CERS3: variants seen among roughly 807,000 people sequenced by gnomAD.
The protein encoded by CERS3 is LAG1 homolog, ceramide synthase 3.
In CERS3, 33 loss-of-function variants were observed where a neutral mutation model predicts 50.3. The observed-to-expected ratio is 0.66, with a 90% CI of 0.50 to 0.88. CERS3 has a LOEUF of 0.88. CERS3 is among the 40% of genes least tolerant of loss of function. The pLI is 0.00. For synonymous variants in CERS3, 176 were observed against 155.2 expected (o/e 1.13, Z -0.99); for missense variants, 470 against 460.3 (o/e 1.02, Z -0.19).
intron 11 of CERS3, among the ~76,000 whole-genome samples, chr15:100,443,064 T>C (rs913346346): frequency 9.2e-5 from 14 of 151,986 alleles, no homozygotes; most frequent in Non-Finnish European, 1.8e-4. Context: ...CGAGACACTT[T>C]AACTAAATTA....
At chr15:100,526,066 T>C (rs767505104) in intron 1 of CERS3, among the ~76,000 whole-genome samples, 2 of 152,252 alleles carry the variant, frequency 1.3e-5, no homozygotes, top group African/African-American at 2.4e-5. Flanking sequence ...TCCCCTCTGC[T>C]ATCTCTCTGC....
chr15:100,427,071 G>A (rs1380257072), intron 11 of CERS3, among the ~76,000 whole-genome samples: 5 of 152,276 alleles, frequency 3.3e-5, no homozygotes, highest in East Asian at 1.9e-4. Flanking sequence ...GCCCACACCC[G>A]TGACCTCAGG....
intron 11 of CERS3, among the ~76,000 whole-genome samples, chr15:100,446,123 G>A (rs55886839): frequency 0.17 from 26,564 of 151,812 alleles, 2,590 homozygotes; most frequent in Admixed American, 0.26. Flanking sequence ...GACTCAGCCC[G>A]CCTGCACCCA....
intron 10 of CERS3, among the ~76,000 whole-genome samples, chr15:100,464,929 G>A (rs2008712): frequency 0.96 from 145,590 of 152,232 alleles, 69,713 homozygotes; most frequent in Middle Eastern, 1. Context: ...ATCCTCAGAA[G>A]TAAAAGAGTG....
chr15:100,430,185 G>A (rs993195688), intron 11 of CERS3, among the ~76,000 whole-genome samples: 3 of 151,892 alleles, frequency 2.0e-5, no homozygotes, highest in Non-Finnish European at 2.9e-5. Context: ...GGTGGGGGGC[G>A]CCTGTAGTCC....
intron 11 of CERS3, among the ~76,000 whole-genome samples, chr15:100,440,147 G>C (rs2033614496): frequency 6.6e-6 from 1 of 152,144 alleles, no homozygotes; most frequent in African/African-American, 2.4e-5. Flanking sequence ...TCAGTCCAGG[G>C]CCTTTCCTTC....
chr15:100,484,641 A>G lies in CERS3; in HGVS notation c.316T>C (p.Cys106Arg). The change falls in exon 5 of 12, where the codon TGT (cysteine) becomes CGT (arginine). Residue 106 changes from cysteine to arginine, a missense_variant. Transcript: ENST00000679737. ...TCCACCTGGCGCTCCGTCAAGTTAC[A>G]CTTCTTTGCCAGTCCATAAATATCA... Reference protein sequence around the residue: ...QTDIYGLAKKCNLTERQVERW... With the variant: ...QTDIYGLAKKRNLTERQVERW... 1.2e-6 allele frequency: 2 copies of G among 1,614,010 alleles called. No homozygotes were observed. The highest frequency in any genetic ancestry group is 1.7e-6 in the Non-Finnish European group (2 of 1,179,896).
At chr15:100,510,862 C>A (rs2036318974) in intron 2 of CERS3, among the ~76,000 whole-genome samples, 1 of 152,132 alleles carries the variant, frequency 6.6e-6, no homozygotes, top group South Asian at 2.1e-4. Context: ...ATTTTGAGTT[C>A]TATTTGTTAC....
chr15:100,539,399 C>G (rs1022124232), intron 1 of CERS3, among the ~76,000 whole-genome samples: 3 of 152,092 alleles, frequency 2.0e-5, no homozygotes, highest in Admixed American at 2.0e-4. Flanking sequence ...AAGAACTGCT[C>G]AAGACTGGGT....
chr15:100,460,017 CTA>C (rs530846413), intron 10 of CERS3, among the ~76,000 whole-genome samples: 194 of 152,180 alleles, frequency 1.3e-3, no homozygotes, highest in African/African-American at 4.3e-3. Context: ...GATATCAACA[CTA>C]TTTTTAAATT....
At chr15:100,502,850 TG>T (rs140534039) in intron 2 of CERS3, among the ~76,000 whole-genome samples, 2,472 of 152,066 alleles carry the variant, frequency 0.016, 72 homozygotes, top group African/African-American at 0.056. Context: ...AACAAGATGA[TG>T]GGCACTGAGC....
chr15:100,482,612 A>T (rs10909391), intron 5 of CERS3, among the ~76,000 whole-genome samples: 1,546 of 6,108 alleles, frequency 0.25, 22 homozygotes, highest in Middle Eastern at 0.3. Flanking sequence ...TTTTTTTTTT[A>T]AAAAAAAGGG....
intron 4 of CERS3, among the ~76,000 whole-genome samples, chr15:100,489,783 T>A (rs2035596578): frequency 6.6e-6 from 1 of 152,216 alleles, no homozygotes; most frequent in Admixed American, 6.5e-5. Context: ...CTTGTCAGAC[T>A]ATTCCTAGGT....
chr15:100,406,331 C>T (rs1954392790), intron 11 of CERS3, among the ~76,000 whole-genome samples: 1 of 152,124 alleles, frequency 6.6e-6, no homozygotes, highest in African/African-American at 2.4e-5. Context: ...AAGATGACAT[C>T]CATAACTGTA....
At chr15:100,514,193 G>T (rs948903141) in intron 2 of CERS3, among the ~76,000 whole-genome samples, 2 of 152,282 alleles carry the variant, frequency 1.3e-5, no homozygotes, top group South Asian at 4.1e-4. Context: ...GTGGGTAAAT[G>T]CTTGTAAATC....
chr15:100,432,661 T>C (rs1253269833), intron 11 of CERS3, among the ~76,000 whole-genome samples: 2 of 152,096 alleles, frequency 1.3e-5, no homozygotes, highest in African/African-American at 2.4e-5. Flanking sequence ...CTGGATAAAA[T>C]AGAACAAGAG....
intron 11 of CERS3, among the ~76,000 whole-genome samples, chr15:100,427,586 C>T (rs2032891975): frequency 1.3e-5 from 2 of 152,314 alleles, no homozygotes; most frequent in East Asian, 3.9e-4. Context: ...ATTACTTGTA[C>T]TGTCTTCTCC....
chr15:100,536,661 G>T (rs2037082356), intron 1 of CERS3, among the ~76,000 whole-genome samples: 1 of 152,204 alleles, frequency 6.6e-6, no homozygotes, highest in African/African-American at 2.4e-5. Context: ...GGCAGATAAA[G>T]TTTCCACCTC....
intron 1 of CERS3, among the ~76,000 whole-genome samples, chr15:100,536,943 C>T (rs926666420): frequency 6.6e-6 from 1 of 152,198 alleles, no homozygotes; most frequent in South Asian, 2.1e-4. Flanking sequence ...ATTCACCTAG[C>T]CATCATTCAT....
Sources: allele counts gnomAD v4.1 joint callset (sites outside exome capture counted in the v4.1 genomes callset), GRCh38; gene constraint gnomAD v4.1.1; transcripts MANE v1.5; gene names NCBI Gene and HGNC (gene_info 2026-07-23, HGNC 2026-07-21).